PKD2: variants seen among roughly 807,000 people sequenced by gnomAD.
PKD2 encodes polycystin 2, transient receptor potential cation channel, also known as polycystin-2.
Under a neutral mutation model 105.9 loss-of-function variants are expected in PKD2, and 48 were observed. The ratio of observed to expected loss-of-function variants is 0.45; its 90% CI spans 0.36 to 0.58. The LOEUF is 0.58. Ranked by LOEUF, PKD2 falls within the 20% of genes least tolerant of loss-of-function variation. The probability of loss-of-function intolerance (pLI) is 0.00; values close to 1 mark genes in which losing one functional copy is unlikely to be tolerated. For missense variants in PKD2, 1,078 were observed against 1,255.3 expected, an observed-to-expected ratio of 0.86 and a Z score of 2.13; for synonymous variants, 464 against 481.1, an observed-to-expected ratio of 0.96 and a Z score of 0.46.
At chr4:88,045,892 T>C (rs1727747576) in intron 5 of PKD2, among the ~76,000 whole-genome samples, 1 of 152,236 alleles carries the variant, frequency 6.6e-6, no homozygotes, top group South Asian at 2.1e-4. Flanking sequence ...TTTATATATG[T>C]ACAAAATATA....
intron 3 of PKD2, among the ~76,000 whole-genome samples, chr4:88,037,155 A>G (rs1727364195): frequency 6.6e-6 from 1 of 152,006 alleles, no homozygotes; most frequent in African/African-American, 2.4e-5. Context: ...CACTTGAGCG[A>G]TTGCTTGAGG....
chr4:88,056,464 A>C (rs562901891), intron 8 of PKD2, among the ~76,000 whole-genome samples, 197 bp downstream of exon 8: 1 of 152,348 alleles, frequency 6.6e-6, no homozygotes, highest in South Asian at 2.1e-4. Context: ...GCTGATGCTT[A>C]AGATAGCAGC....
rs1045944247 is a variant in PKD2 at position 88,077,098 on chromosome 4, A to C, written c.*1404A>C. 6.6e-6 allele frequency: 1 copy of C among 152,312 alleles called. No homozygotes were observed. Among genetic ancestry groups the C allele is most frequent in the African/African-American group, 2.4e-5 (1 of 41,464 alleles). The allele number at this position is 152,312 out of a possible 1,614,324, so 9.4% of individuals were successfully genotyped here. On this transcript the variant is annotated 3_prime_UTR_variant, in exon 15 of 15. Transcript: ENST00000237596. ...TAAGGTGACATTTTGAGCGCTAATA[A>C]GCAAAAGAGCATGCAGTGCTGTTGA...
chr4:88,059,737 A>ATACG (rs1245258677), intron 9 of PKD2, among the ~76,000 whole-genome samples: 24 of 143,788 alleles, frequency 1.7e-4, no homozygotes, highest in Middle Eastern at 3.5e-3. Flanking sequence ...GGATAGATAC[A>ATACG]TACATACGTA....
chr4:88,010,538 A>C (rs990393588), intron 1 of PKD2, among the ~76,000 whole-genome samples: 1 of 152,200 alleles, frequency 6.6e-6, no homozygotes, highest in Non-Finnish European at 1.5e-5. Context: ...TCTTATATGC[A>C]CTATGTAAGC....
Position 88,031,482 on chromosome 4 carries a change from G to A in PKD2, c.710-4738G>A, listed in dbSNP as rs1578126134. Among the ~76,000 whole-genome samples the A allele has an allele frequency of 2.0e-5, 3 of 152,236 alleles. No homozygotes were observed. The South Asian group carries it at 6.2e-4, about 32-fold the overall frequency. On this transcript the variant is annotated intron_variant, in intron 2 of 14. Coordinates refer to ENST00000237596, the MANE Select transcript of PKD2 (RefSeq NM_000297.4). ...AGTTAGTTTTCCTGTGCAAAGTGATGGCTTCATCTTGTGGCAGATTACCTG... is the reference window on the plus strand; with the variant it reads ...AGTTAGTTTTCCTGTGCAAAGTGATAGCTTCATCTTGTGGCAGATTACCTG...
chr4:88,009,621 ACAT>A (rs1428040790), intron 1 of PKD2, among the ~76,000 whole-genome samples: 1 of 152,176 alleles, frequency 6.6e-6, no homozygotes, highest in African/African-American at 2.4e-5. Context: ...ATAAATGTAA[ACAT>A]TTTGGTACTT....
intron 13 of PKD2, among the ~76,000 whole-genome samples, chr4:88,070,611 G>T (rs137868120): frequency 8.3e-5 from 12 of 144,082 alleles, no homozygotes; most frequent in East Asian, 3.9e-4. Flanking sequence ...TAGAGAGAGA[G>T]AGAGAGAGAG....
At position 88,008,138 on chromosome 4, in the gene PKD2, C is replaced by A. The variant is rs1293918538; in HGVS notation, c.405C>A (p.Gly135=). Reference sequence around the variant, plus strand: ...CCTCCTCGGCCGTGAGCTCCGTGGGCGCGCGGAGCCGGGGGCTTGGGGGCT... The same window carrying A: ...CCTCCTCGGCCGTGAGCTCCGTGGGAGCGCGGAGCCGGGGGCTTGGGGGCT... ...SAASSAVSSV[G]ARSRGLGGYH... The change falls in exon 1 of 15, where the codon GGC becomes GGA. Residue 135 remains glycine, a synonymous_variant. Coordinates refer to ENST00000237596, the MANE Select transcript of PKD2 (RefSeq NM_000297.4). 1 of 1,487,174 alleles carries A rather than the reference C, an allele frequency of 6.7e-7. No individual in the cohort carries two copies. The allele number at this position is 1,487,174 out of a possible 1,614,324, so 92.1% of individuals were successfully genotyped here. A position where few individuals can be genotyped will look rare whatever the true frequency, so the allele number is the denominator to read the frequency against.
At chr4:88,045,413 C>T (rs949184021) in intron 5 of PKD2, among the ~76,000 whole-genome samples, 6 of 152,214 alleles carry the variant, frequency 3.9e-5, no homozygotes, top group Non-Finnish European at 5.9e-5. Context: ...ACTTCTCTGA[C>T]CAGTTCTAAT....
chr4:88,065,373 GGGC>G lies in PKD2; in HGVS notation c.2119_2121del (p.Gly707del). Reference sequence around the variant, plus strand: ...TCTTTTATTTTTTCTCTCTCTGATAGGGCTACCATAAAGCTTTGGTCAAACTAA... The same window carrying G: ...TCTTTTATTTTTTCTCTCTCTGATAGTACCATAAAGCTTTGGTCAAACTAA... On this transcript the variant is annotated inframe_deletion and splice_region_variant, in exon 11 of 15. Coordinates refer to ENST00000237596, the MANE Select transcript of PKD2 (RefSeq NM_000297.4). 1 of 1,611,244 alleles carries G rather than the reference GGGC, an allele frequency of 6.2e-7. No homozygotes were observed. The highest frequency in any genetic ancestry group is 1.1e-5 in the South Asian group (1 of 91,026).
At chr4:88,067,749 G>C (rs1049541356) in intron 12 of PKD2, 149 bp from the exon 13 acceptor site, 1 of 728,940 alleles carries the variant, frequency 1.4e-6, no homozygotes, top group Non-Finnish European at 2.4e-6. Flanking sequence ...CTATGAAACT[G>C]AAAAATGCAG....
At chr4:88,054,049 T>G (rs1720216181) in intron 7 of PKD2, among the ~76,000 whole-genome samples, 1 of 151,862 alleles carries the variant, frequency 6.6e-6, no homozygotes, top group African/African-American at 2.4e-5. Context: ...TTACTGAAGT[T>G]TCCTTGATTA....
intron 4 of PKD2, among the ~76,000 whole-genome samples, chr4:88,041,283 C>T (rs1226728208): frequency 6.6e-6 from 1 of 152,204 alleles, no homozygotes; most frequent in Non-Finnish European, 1.5e-5. Context: ...CACTCTCTCA[C>T]TCCTTCCTTT....
intron 4 of PKD2, among the ~76,000 whole-genome samples, chr4:88,042,991 G>C (rs750987896): frequency 1.6e-4 from 25 of 152,128 alleles, no homozygotes; most frequent in Non-Finnish European, 3.5e-4. Context: ...TGGTTCCCGA[G>C]TCTGCCCTCA....
intron 2 of PKD2, among the ~76,000 whole-genome samples, chr4:88,022,007 G>A (rs1226584579): frequency 6.6e-6 from 1 of 152,134 alleles, no homozygotes; most frequent in African/African-American, 2.4e-5. Context: ...CATGGTGAGT[G>A]GGGCCATGAG....
intron 1 of PKD2, among the ~76,000 whole-genome samples, chr4:88,011,670 C>G (rs147999628): frequency 1.3e-5 from 2 of 151,962 alleles, no homozygotes; most frequent in African/African-American, 4.8e-5. Flanking sequence ...TAAAGGGAAG[C>G]ATAATTAGTT....
At position 88,075,743 on chromosome 4, in the gene PKD2, C is replaced by G. The variant is rs551091751; in HGVS notation, c.*49C>G. 9.7e-6 allele frequency: 13 copies of G among 1,337,566 alleles called. No homozygotes were observed. The South Asian group carries it at 1.5e-4, about 16-fold the overall frequency. 82.9% of individuals were successfully genotyped at this position (1,337,566 alleles called of 1,614,324 possible). On this transcript the variant is annotated 3_prime_UTR_variant, in exon 15 of 15. Transcript: ENST00000237596. ...TTCTAATAAGTGAGGAAGTGGCTGT[C>G]CTGAATTGCTGTAACAAGCACACTA... is the stretch of plus-strand genomic sequence containing the variant.
chr4:88,020,240 T>G (rs896274110), intron 2 of PKD2, among the ~76,000 whole-genome samples: 2 of 152,222 alleles, frequency 1.3e-5, no homozygotes, highest in African/African-American at 4.8e-5. Context: ...CTTTCCAAAT[T>G]TAACTTTCAG....
Sources: allele counts gnomAD v4.1 joint callset (sites outside exome capture counted in the v4.1 genomes callset), GRCh38; gene constraint gnomAD v4.1.1; transcripts MANE v1.5; gene names NCBI Gene and HGNC (gene_info 2026-07-23, HGNC 2026-07-21).